The following EPHA5 variants were observed in gnomAD, a reference collection of about 807,000 sequenced individuals.
EPHA5 encodes ephrin type-A receptor 5.
Under a neutral mutation model 105.0 loss-of-function variants are expected in EPHA5, and 60 were observed. The observed-to-expected ratio is 0.57, with a 90% CI of 0.46 to 0.71. The LOEUF is 0.71. EPHA5 is among the 30% of genes least tolerant of loss of function. The probability of loss-of-function intolerance (pLI) is 0.00; values close to 1 mark genes in which losing one functional copy is unlikely to be tolerated. For missense variants in EPHA5, 1,218 were observed against 1,274.7 expected, an observed-to-expected ratio of 0.96 and a Z score of 0.68; for synonymous variants, 513 against 449.1, an observed-to-expected ratio of 1.14 and a Z score of -1.80.
At chr4:65,562,374 G>T (rs370755998) in intron 3 of EPHA5, among the ~76,000 whole-genome samples, 180 of 151,940 alleles carry the variant, frequency 1.2e-3, no homozygotes, top group African/African-American at 4.2e-3. Context: ...AGACGTTTAG[G>T]GTTCTCCAAA....
chr4:65,580,344 T>C (rs1314654935), intron 3 of EPHA5, among the ~76,000 whole-genome samples: 1 of 151,860 alleles, frequency 6.6e-6, no homozygotes, highest in Non-Finnish European at 1.5e-5. Context: ...ATGTGACAAT[T>C]CATGTTATTT....
At chr4:65,375,318 A>T (rs1233198396) in intron 8 of EPHA5, among the ~76,000 whole-genome samples, 1 of 151,862 alleles carries the variant, frequency 6.6e-6, no homozygotes, top group Non-Finnish European at 1.5e-5. Context: ...ACACACAGGC[A>T]AATACACATG....
At position 65,603,081 on chromosome 4, in the gene EPHA5, C is replaced by A. The variant is rs1425795423; in HGVS notation, c.247-777G>T. Reference sequence around the variant, plus strand: ...GCGATATGTTGGGACCCCATTAATTCTTTCTTACCAAGGCATTATTTTATG... The same window carrying A: ...GCGATATGTTGGGACCCCATTAATTATTTCTTACCAAGGCATTATTTTATG... On this transcript the variant is annotated intron_variant, in intron 2 of 16. Transcript: ENST00000613740. Among the ~76,000 whole-genome samples, 13 of 152,160 alleles carry A rather than the reference C, an allele frequency of 8.5e-5. No homozygotes were observed. In the East Asian group the frequency reaches 1.9e-3, roughly 23 times the overall value.
chr4:65,410,761 A>G (rs908296711), intron 7 of EPHA5, among the ~76,000 whole-genome samples: 1 of 152,214 alleles, frequency 6.6e-6, no homozygotes, highest in African/African-American at 2.4e-5. Context: ...AATTATCTCA[A>G]TACAATTTTT....
At chr4:65,408,192 C>T (rs888834448) in intron 7 of EPHA5, among the ~76,000 whole-genome samples, 1 of 151,936 alleles carries the variant, frequency 6.6e-6, no homozygotes, top group Non-Finnish European at 1.5e-5. Flanking sequence ...TTACAGGGTA[C>T]TGTCAATGCC....
At chr4:65,623,764 T>C (rs974415782) in intron 2 of EPHA5, among the ~76,000 whole-genome samples, 1 of 152,158 alleles carries the variant, frequency 6.6e-6, no homozygotes, top group Non-Finnish European at 1.5e-5. Context: ...TCTACTAATA[T>C]GAGTATCATC....
intron 3 of EPHA5, among the ~76,000 whole-genome samples, chr4:65,509,271 A>C (rs2149257069): frequency 6.6e-6 from 1 of 152,274 alleles, no homozygotes; most frequent in South Asian, 2.1e-4. Flanking sequence ...AGTTTCAACC[A>C]GGTAAACTCT....
intron 3 of EPHA5, among the ~76,000 whole-genome samples, chr4:65,557,803 C>T (rs1360186924): frequency 3.3e-5 from 5 of 151,884 alleles, no homozygotes; most frequent in South Asian, 2.1e-4. Context: ...AGTTCAAAAA[C>T]GAAAATGCAA....
intron 3 of EPHA5, among the ~76,000 whole-genome samples, chr4:65,504,564 A>T (rs1055125399): frequency 3.3e-5 from 5 of 151,856 alleles, no homozygotes; most frequent in African/African-American, 1.2e-4. Context: ...GGTATGGAAA[A>T]ATATTTATGG....
chr4:65,366,738 G>A (rs2148894684), intron 9 of EPHA5, among the ~76,000 whole-genome samples: 1 of 151,836 alleles, frequency 6.6e-6, no homozygotes, highest in South Asian at 2.1e-4. Flanking sequence ...AGATGGCGGA[G>A]TGAAAAAAAC....
intron 5 of EPHA5, among the ~76,000 whole-genome samples, chr4:65,453,873 T>C (rs1727305263): frequency 6.6e-6 from 1 of 152,178 alleles, no homozygotes; most frequent in Non-Finnish European, 1.5e-5. Context: ...ATTCCTGCCC[T>C]AAATCTTGCC....
chr4:65,340,382 T>A lies in EPHA5; in HGVS notation c.2596-4257A>T, dbSNP rs539034982. On this transcript the variant is annotated intron_variant, in intron 14 of 16. Transcript: ENST00000613740. ...CATTGAACTAACAGTTATGAATTAC[T>A]CATGCAAAGAGATCAGCAGAAAAGA... Among the ~76,000 whole-genome samples the A allele has an allele frequency of 3.9e-5, 6 of 152,218 alleles. No individual in the cohort carries two copies. In the South Asian group the frequency reaches 1.2e-3, roughly 32 times the overall value.
chr4:65,625,052 A>T (rs1005192558), intron 2 of EPHA5, among the ~76,000 whole-genome samples: 3 of 152,210 alleles, frequency 2.0e-5, no homozygotes, highest in Non-Finnish European at 4.4e-5. Flanking sequence ...TTCAGTGTTT[A>T]CTACACAATT....
At chr4:65,536,178 G>A (rs1736267538) in intron 3 of EPHA5, among the ~76,000 whole-genome samples, 1 of 151,744 alleles carries the variant, frequency 6.6e-6, no homozygotes, top group Admixed American at 6.6e-5. Flanking sequence ...CTTTGAATGG[G>A]TGGATCTATC....
At chr4:65,573,728 A>C (rs965901714) in intron 3 of EPHA5, 2 of 1,601,956 alleles carry the variant, frequency 1.2e-6, no homozygotes, top group Admixed American at 3.4e-5. Context: ...AGGTTCTTGC[A>C]ACTGTTACAA....
At chr4:65,357,568 G>A (rs1723423544) in intron 11 of EPHA5, among the ~76,000 whole-genome samples, 1 of 151,228 alleles carries the variant, frequency 6.6e-6, no homozygotes, top group African/African-American at 2.4e-5. Context: ...TATGATCCAA[G>A]CAGTGTATTG....
chr4:65,470,134 C>T (rs1173988434), intron 5 of EPHA5, among the ~76,000 whole-genome samples: 1 of 151,252 alleles, frequency 6.6e-6, no homozygotes, highest in Non-Finnish European at 1.5e-5. Context: ...AGCCCAGGAA[C>T]TTCATCTCAT....
chr4:65,540,126 A>G (rs1736676481), intron 3 of EPHA5, among the ~76,000 whole-genome samples: 1 of 151,626 alleles, frequency 6.6e-6, no homozygotes, highest in African/African-American at 2.4e-5. Flanking sequence ...AGAATGTACA[A>G]AAGCTTATCA....
chr4:65,477,604 G>C (rs1166820207), intron 5 of EPHA5, among the ~76,000 whole-genome samples: 2 of 151,850 alleles, frequency 1.3e-5, no homozygotes, highest in African/African-American at 2.4e-5. Context: ...GTAGAGTCAG[G>C]GGTTTCACCA....
Sources: allele counts gnomAD v4.1 joint callset (sites outside exome capture counted in the v4.1 genomes callset), GRCh38; gene constraint gnomAD v4.1.1; transcripts MANE v1.5; gene names NCBI Gene and HGNC (gene_info 2026-07-23, HGNC 2026-07-21).